The following MAGI2 variants were observed in gnomAD, a reference collection of about 807,000 sequenced individuals.
MAGI2 encodes membrane associated guanylate kinase, WW and PDZ domain containing 2, also known as membrane-associated guanylate kinase, WW and PDZ domain-containing protein 2.
A neutral mutation model predicts 133.3 loss-of-function variants in MAGI2; 35 were observed. The observed-to-expected ratio is 0.26, with a 90% CI of 0.20 to 0.35. The LOEUF is 0.35. MAGI2 is among the 10% of genes least tolerant of loss of function. The pLI is 1.00. For synonymous variants in MAGI2, 729 were observed against 710.6 expected, an observed-to-expected ratio of 1.03 and a Z score of -0.41; for missense variants, 1,636 against 1,863.4, an observed-to-expected ratio of 0.88 and a Z score of 2.25.
chr7:78,319,272 A>AT (rs1787743746), intron 9 of MAGI2, among the ~76,000 whole-genome samples: 1 of 152,206 alleles, frequency 6.6e-6, no homozygotes, highest in Non-Finnish European at 1.5e-5. Context: ...ATGAAAGAAT[A>AT]TTTACCAAAC....
intron 20 of MAGI2, among the ~76,000 whole-genome samples, chr7:78,090,495 G>C (rs1307557180): frequency 6.6e-6 from 1 of 152,124 alleles, no homozygotes; most frequent in Non-Finnish European, 1.5e-5. Flanking sequence ...CTGGAGGGGG[G>C]CTTTGAGGCA....
At position 78,835,186 on chromosome 7, in the gene MAGI2, C is replaced by T. The variant is rs549602440; in HGVS notation, c.418+171904G>A. ...TTTCCAAAATGGCTGTGCCATTTAC[C>T]TTCCCACCAGCAACGTACAAAGTTT... On this transcript the variant is annotated intron_variant, in intron 2 of 21. Transcript: ENST00000354212. Among the ~76,000 whole-genome samples, 9 of 152,262 alleles carry T rather than the reference C, an allele frequency of 5.9e-5. No individual in the cohort carries two copies. The South Asian group carries it at 1.4e-3, about 25-fold the overall frequency.
chr7:78,993,504 A>G (rs1377187506), intron 2 of MAGI2, among the ~76,000 whole-genome samples: 1 of 152,046 alleles, frequency 6.6e-6, no homozygotes, highest in Non-Finnish European at 1.5e-5. Context: ...TCTACTGTTC[A>G]TTTCCTGGCT....
At chr7:78,926,700 T>C (rs1799719021) in intron 2 of MAGI2, among the ~76,000 whole-genome samples, 1 of 151,980 alleles carries the variant, frequency 6.6e-6, no homozygotes, top group Admixed American at 6.6e-5. Flanking sequence ...AAGAAGAAAA[T>C]AAACTAAGAA....
rs140723727 is a variant in MAGI2, at chr7:78,089,868, C to T, written c.3568-10783G>A. On this transcript the variant is annotated intron_variant, in intron 20 of 21. Transcript: ENST00000354212. ...CATCTCTGATTTTGCCTCACTCCTC[C>T]TCAAACACCTCCCCTCCTGCCCCAT... Among the ~76,000 whole-genome samples the T allele has an allele frequency of 2.8e-3, 425 of 152,292 alleles. 15 individuals carry two copies. Among genetic ancestry groups the T allele is most frequent in the Admixed American group, 0.025 (389 of 15,292 alleles).
intron 9 of MAGI2, among the ~76,000 whole-genome samples, chr7:78,288,893 C>CTGTT (rs1173900863): frequency 3.9e-5 from 6 of 152,330 alleles, no homozygotes; most frequent in South Asian, 2.1e-4. Flanking sequence ...AGGATCCTGA[C>CTGTT]TGTTAGAAGG....
rs189274312 is a variant in MAGI2, at chr7:78,774,167, A to C, written c.419-146928T>G. Reference sequence around the variant, plus strand: ...GCCACCTCTAAATTACTTGAATCAGAACATCTGGGGATAGAAACCGGAAAC... The same window carrying C: ...GCCACCTCTAAATTACTTGAATCAGCACATCTGGGGATAGAAACCGGAAAC... On this transcript the variant is annotated intron_variant, in intron 2 of 21. Transcript: ENST00000354212. 1.3e-3 allele frequency among the ~76,000 whole-genome samples: 191 copies of C among 152,306 alleles called. No individual in the cohort carries two copies. The South Asian group carries it at 0.013, about 10-fold the overall frequency.
intron 1 of MAGI2, among the ~76,000 whole-genome samples, chr7:79,220,964 A>G (rs1469258726): frequency 6.6e-6 from 1 of 152,008 alleles, no homozygotes; most frequent in African/African-American, 2.4e-5. Context: ...GGAGCTTAAA[A>G]TTCACCACCA....
intron 6 of MAGI2, among the ~76,000 whole-genome samples, chr7:78,443,283 T>C (rs1787801613): frequency 6.6e-6 from 1 of 152,194 alleles, no homozygotes; most frequent in African/African-American, 2.4e-5. Context: ...GATTTACATT[T>C]GGCAGTAATA....
intron 1 of MAGI2, among the ~76,000 whole-genome samples, chr7:79,050,930 C>T (rs913883760): frequency 3.3e-5 from 5 of 152,030 alleles, no homozygotes; most frequent in African/African-American, 1.2e-4. Flanking sequence ...GAATATAATC[C>T]GACAGAATAA....
chr7:78,835,482 T>G (rs1454944875), intron 2 of MAGI2, among the ~76,000 whole-genome samples: 2 of 152,194 alleles, frequency 1.3e-5, no homozygotes, highest in Non-Finnish European at 2.9e-5. Context: ...AAGGAAAATA[T>G]TATTCTCCCA....
In MAGI2 at chr7:78,182,727, G is replaced by A. The variant is rs114000841; in HGVS notation, c.2311+2902C>T. Among the ~76,000 whole-genome samples the A allele has an allele frequency of 8.7e-3, 1,324 of 152,120 alleles. 15 individuals carry two copies. The highest frequency in any genetic ancestry group is 0.031 in the African/African-American group (1,268 of 41,494). On this transcript the variant is annotated intron_variant, in intron 13 of 21. Coordinates refer to ENST00000354212, the MANE Select transcript of MAGI2 (RefSeq NM_012301.4). ...TGATTTCAGTGCCTTATTTGATATC[G>A]TTGATGCACTGTTTATGACTTCAGA...
intron 1 of MAGI2, among the ~76,000 whole-genome samples, chr7:79,112,454 T>G (rs115326757): frequency 0.012 from 1,873 of 152,304 alleles, 39 homozygotes; most frequent in African/African-American, 0.043. Context: ...TCTTCAACTA[T>G]AATGAATATG....
rs184094298 is a variant in MAGI2, at chr7:79,029,921, C to T, written c.302-22715G>A. On this transcript the variant is annotated intron_variant, in intron 1 of 21. Transcript: ENST00000354212. ...TCTTCACCATGCTAGAAATTCTCAA[C>T]AAGACAGGGAAGAAGGATAGGCACA... 7.9e-5 allele frequency among the ~76,000 whole-genome samples: 12 copies of T among 152,218 alleles called. No homozygotes were observed. In the East Asian group the frequency reaches 2.3e-3, roughly 29 times the overall value.
At chr7:78,701,919 A>G (rs1818115209) in intron 2 of MAGI2, among the ~76,000 whole-genome samples, 1 of 151,962 alleles carries the variant, frequency 6.6e-6, no homozygotes, top group Admixed American at 6.6e-5. Flanking sequence ...ATGAGCAACA[A>G]ATGTCTTCAG....
chr7:79,055,159 A>G (rs1418398983), intron 1 of MAGI2, among the ~76,000 whole-genome samples: 1 of 152,158 alleles, frequency 6.6e-6, no homozygotes, highest in Non-Finnish European at 1.5e-5. Flanking sequence ...TGTATCTTCT[A>G]TCTCTAACTC....
At chr7:79,315,983 C>A (rs1838693155) in intron 1 of MAGI2, among the ~76,000 whole-genome samples, 1 of 151,994 alleles carries the variant, frequency 6.6e-6, no homozygotes, top group Non-Finnish European at 1.5e-5. Context: ...TGGCCCTGGG[C>A]AAGTTATTTA....
chr7:78,121,170 G>T (rs1820437803), intron 20 of MAGI2, among the ~76,000 whole-genome samples: 1 of 149,844 alleles, frequency 6.7e-6, no homozygotes. Flanking sequence ...TATAAGAGAA[G>T]ACGTTTAAGA....
intron 1 of MAGI2, among the ~76,000 whole-genome samples, chr7:79,026,222 T>C (rs897564884): frequency 6.6e-6 from 1 of 152,174 alleles, no homozygotes; most frequent in East Asian, 1.9e-4. Flanking sequence ...AAATATATTC[T>C]CTATTGCCCC....
Sources: gnomAD v4.1 joint callset for allele counts (sites outside exome capture counted in the v4.1 genomes callset) on GRCh38, gnomAD v4.1.1 for gene constraint, MANE v1.5 for transcripts, NCBI Gene and HGNC (gene_info 2026-07-23, HGNC 2026-07-21) for gene names.